Variants in PDE10A observed in about 807,000 individuals in gnomAD.
PDE10A encodes the protein phosphodiesterase 10A, also known as cAMP and cAMP-inhibited cGMP 3',5'-cyclic phosphodiesterase 10A.
In PDE10A, 39 loss-of-function variants were observed where a neutral mutation model predicts 97.7. The observed-to-expected ratio is 0.40, with a 90% CI of 0.31 to 0.52. PDE10A has a LOEUF of 0.52. PDE10A is among the 20% of genes least tolerant of loss of function. PDE10A has a pLI of 0.56. For synonymous variants in PDE10A, 371 were observed against 376.8 expected, an observed-to-expected ratio of 0.98 and a Z score of 0.18; for missense variants, 731 against 1,047.8, an observed-to-expected ratio of 0.70 and a Z score of 4.17.
chr6:165,842,747 G>A (rs923017573), intron 1 of PDE10A, among the ~76,000 whole-genome samples: 11 of 152,192 alleles, frequency 7.2e-5, no homozygotes, highest in Non-Finnish European at 1.2e-4. Context: ...GTAACTTGCC[G>A]ATAGTCACAC....
chr6:165,424,798 TAATA>T (rs1331193154), intron 10 of PDE10A, among the ~76,000 whole-genome samples: 1 of 152,178 alleles, frequency 6.6e-6, no homozygotes, highest in Non-Finnish European at 1.5e-5. Flanking sequence ...CAACATTGAG[TAATA>T]ATACAATTGT....
chr6:165,397,363 T>A (rs1436578192), intron 13 of PDE10A, among the ~76,000 whole-genome samples: 1 of 152,088 alleles, frequency 6.6e-6, no homozygotes, highest in East Asian at 1.9e-4. Flanking sequence ...TAAAATAACA[T>A]TTTCTAAAGG....
At chr6:165,395,495 A>G (rs1228575675) in intron 14 of PDE10A, among the ~76,000 whole-genome samples, 2 of 152,150 alleles carry the variant, frequency 1.3e-5, no homozygotes, top group Admixed American at 1.3e-4. Flanking sequence ...TTTTCTATTA[A>G]TCTGTTTGAA....
At chr6:165,746,581 G>A (rs148981883) in intron 1 of PDE10A, among the ~76,000 whole-genome samples, 6 of 152,320 alleles carry the variant, frequency 3.9e-5, no homozygotes, top group Admixed American at 2.0e-4. Flanking sequence ...GAGACACAGC[G>A]GTGAACACAG....
intron 1 of PDE10A, among the ~76,000 whole-genome samples, chr6:165,546,409 T>A (rs923088300): frequency 6.6e-6 from 1 of 152,098 alleles, no homozygotes; most frequent in African/African-American, 2.4e-5. Flanking sequence ...AACTATCACG[T>A]ATGTAAATTT....
intron 18 of PDE10A, among the ~76,000 whole-genome samples, chr6:165,374,520 G>T (rs545542188): frequency 1.3e-5 from 2 of 152,008 alleles, no homozygotes; most frequent in South Asian, 4.2e-4. Context: ...TAAATACACA[G>T]AAGTAAGAAT....
At chr6:165,340,850 G>A (rs62442135) in intron 19 of PDE10A, among the ~76,000 whole-genome samples, 105 of 152,250 alleles carry the variant, frequency 6.9e-4, no homozygotes, top group Non-Finnish European at 1.3e-3. Flanking sequence ...CTCTCCACAC[G>A]GAGGTCATGA....
chr6:165,421,773 G>T (rs1379448252), intron 10 of PDE10A, among the ~76,000 whole-genome samples: 1 of 152,176 alleles, frequency 6.6e-6, no homozygotes, highest in Non-Finnish European at 1.5e-5. Flanking sequence ...CAGTAAGAGG[G>T]CTTCTGTGGC....
In PDE10A at chr6:165,708,044, C is replaced by T. The variant is rs62424921; in HGVS notation, c.-614-164476G>A. Among the ~76,000 whole-genome samples, 1,424 of 152,298 alleles carry T rather than the reference C, an allele frequency of 9.4e-3. 11 individuals carry two copies. Among genetic ancestry groups the T allele is most frequent in the Non-Finnish European group, 0.014 (927 of 68,020 alleles). On this transcript the variant is annotated intron_variant, in intron 1 of 19. Coordinates refer to the PDE10A transcript ENST00000366882. ...AACCAACCCTCTTGACTTCTGCCTC[C>T]TTGCCAGCTATCCTTCCATTTCTCT...
rs1360541749 is a variant in PDE10A, at chr6:165,646,918, T to A, written c.865+15029A>T. Among the ~76,000 whole-genome samples, 23 of 152,346 alleles carry A rather than the reference T, an allele frequency of 1.5e-4. No homozygotes were observed. The South Asian group carries it at 4.3e-3, about 29-fold the overall frequency. On this transcript the variant is annotated intron_variant, in intron 1 of 21. Coordinates refer to ENST00000539869, the MANE Select transcript of PDE10A (RefSeq NM_001385079.1). ...ATAAAAGTGTAATTCCTCAAATTAT[T>A]TGCAGAATTTTTAATTAAAATTAGA...
chr6:165,731,091 C>T (rs1311164307), intron 1 of PDE10A, among the ~76,000 whole-genome samples: 1 of 152,180 alleles, frequency 6.6e-6, no homozygotes, highest in African/African-American at 2.4e-5. Flanking sequence ...ACAGAACCCA[C>T]GCCCCATGCC....
At chr6:165,658,053 T>G (rs1790054338) in intron 1 of PDE10A, among the ~76,000 whole-genome samples, 1 of 152,234 alleles carries the variant, frequency 6.6e-6, no homozygotes, top group Non-Finnish European at 1.5e-5. Context: ...TTGGCTGATT[T>G]AGACCCATTT....
intron 3 of PDE10A, among the ~76,000 whole-genome samples, chr6:165,473,304 G>A: frequency 6.6e-6 from 1 of 152,190 alleles, no homozygotes; most frequent in East Asian, 1.9e-4. Context: ...GGATTAGACT[G>A]GTTTCAATAC....
chr6:165,906,889 C>T (rs141434644), intron 1 of PDE10A, among the ~76,000 whole-genome samples: 15 of 152,306 alleles, frequency 9.8e-5, no homozygotes, highest in African/African-American at 1.7e-4. Flanking sequence ...CACGGTAGAT[C>T]GGAGTCCAGG....
chr6:165,408,599 T>C (rs978460299), intron 13 of PDE10A, among the ~76,000 whole-genome samples: 2 of 152,144 alleles, frequency 1.3e-5, no homozygotes, highest in East Asian at 3.9e-4. Context: ...TTGGAGCTAT[T>C]TTCTTTTATT....
intron 1 of PDE10A, among the ~76,000 whole-genome samples, chr6:165,659,821 C>G (rs1232715413): frequency 1.3e-5 from 2 of 152,176 alleles, no homozygotes; most frequent in Non-Finnish European, 2.9e-5. Context: ...GCTACGAATC[C>G]CGAGAGGACT....
Position 165,661,164 on chromosome 6 carries a change from A to G in PDE10A, c.865+783T>C. 1 of 152,952 alleles carries G rather than the reference A, an allele frequency of 6.5e-6. No homozygotes were observed. Among genetic ancestry groups the G allele is most frequent in the Non-Finnish European group, 1.5e-5 (1 of 68,624 alleles). The allele number at this position is 152,952 out of a possible 1,614,324, so 9.5% of individuals were successfully genotyped here. Reference sequence around the variant, plus strand: ...GGCCCCGCGCCCGCGGGTGGCGAGGAGGAGTGGCCACGCCACAGTGGGCCC... The same window carrying G: ...GGCCCCGCGCCCGCGGGTGGCGAGGGGGAGTGGCCACGCCACAGTGGGCCC... On this transcript the variant is annotated intron_variant, in intron 1 of 21. Transcript: ENST00000539869. This position sits in a 1 kb window ranked among gnomAD's most constrained non-coding sequence, Gnocchi z 4.8.
intron 1 of PDE10A, among the ~76,000 whole-genome samples, chr6:165,914,815 G>A (rs1357499916): frequency 6.6e-6 from 1 of 152,288 alleles, no homozygotes; most frequent in East Asian, 1.9e-4. Flanking sequence ...GAAGTGTGGG[G>A]TATCTTAAAC....
chr6:165,763,690 T>C (rs1004324065), intron 1 of PDE10A, among the ~76,000 whole-genome samples: 1 of 152,214 alleles, frequency 6.6e-6, no homozygotes, highest in African/African-American at 2.4e-5. Context: ...ATGTCTAATC[T>C]GATCATGAGG....
Sources: gnomAD v4.1 joint callset for allele counts (sites outside exome capture counted in the v4.1 genomes callset) on GRCh38, gnomAD v4.1.1 for gene constraint, Gnocchi (gnomAD v3.1) non-coding constraint, MANE v1.5 for transcripts, NCBI Gene and HGNC (gene_info 2026-07-23, HGNC 2026-07-21) for gene names.